The following SULF1 variants were observed in gnomAD, a reference collection of about 807,000 sequenced individuals.
The protein encoded by SULF1 is extracellular sulfatase Sulf-1.
A neutral mutation model predicts 110.5 loss-of-function variants in SULF1; 46 were observed. The observed-to-expected ratio is 0.42, with a 90% CI of 0.33 to 0.53. SULF1 has a LOEUF of 0.53. Among genes scored for constraint, SULF1 ranks in the 20% least tolerant of loss-of-function variants. The pLI, the probability that SULF1 is intolerant of heterozygous loss-of-function variation, is 0.12. For missense variants in SULF1, 941 were observed against 1,094.2 expected, an observed-to-expected ratio of 0.86 and a Z score of 1.98; for synonymous variants, 371 against 387.1, an observed-to-expected ratio of 0.96 and a Z score of 0.49.
At chr8:69,532,429 G>A (rs1813150723) in intron 3 of SULF1, among the ~76,000 whole-genome samples, 1 of 151,910 alleles carries the variant, frequency 6.6e-6, no homozygotes, top group Non-Finnish European at 1.5e-5. Flanking sequence ...AGATCCATTA[G>A]CATTGTGAGA....
chr8:69,603,563 C>T, intron 11 of SULF1, 37 bp from the exon 12 acceptor site: 1 of 1,574,278 alleles, frequency 6.4e-7, no homozygotes, highest in African/African-American at 1.3e-5. Flanking sequence ...GAAAAACGTC[C>T]AGATGCCAAA....
In SULF1 at chr8:69,520,386, C is replaced by A. The variant is rs143120805; in HGVS notation, c.-134+18418C>A. Among the ~76,000 whole-genome samples, 153 of 152,138 alleles carry A rather than the reference C, an allele frequency of 1.0e-3. 1 individual carries two copies. The highest frequency in any genetic ancestry group is 3.5e-3 in the African/African-American group (146 of 41,522). On this transcript the variant is annotated intron_variant, in intron 3 of 22. Coordinates refer to ENST00000402687, the MANE Select transcript of SULF1 (RefSeq NM_001128205.2). ...CTCTGTTGGTTCATTCTTCTAGTTA[C>A]CTTCAGCAAGTCACCTTTTCATCTT...
chr8:69,580,355 A>G (rs1468569307), intron 6 of SULF1, among the ~76,000 whole-genome samples: 1 of 152,242 alleles, frequency 6.6e-6, no homozygotes, highest in Admixed American at 6.5e-5. Context: ...CAACATTAAT[A>G]TAAAACCTGG....
intron 1 of SULF1, chr8:69,469,523 T>C (rs1394939208): frequency 6.6e-6 from 1 of 152,206 alleles, no homozygotes; most frequent in Non-Finnish European, 1.5e-5. Flanking sequence ...CCATGGTAGG[T>C]TATGAGTAGG....
chr8:69,626,325 A>C (rs1810022778), intron 15 of SULF1, among the ~76,000 whole-genome samples: 1 of 152,120 alleles, frequency 6.6e-6, no homozygotes, highest in Admixed American at 6.5e-5. Flanking sequence ...ACAAACCTTG[A>C]GCTAAACACA....
intron 3 of SULF1, among the ~76,000 whole-genome samples, chr8:69,531,654 G>T (rs1293341624): frequency 6.6e-6 from 1 of 152,226 alleles, no homozygotes; most frequent in Non-Finnish European, 1.5e-5. Flanking sequence ...TGAAAAGTCA[G>T]ATTTATTATG....
At chr8:69,624,265 C>A (rs1172657237) in intron 15 of SULF1, 68 bp downstream of exon 15, 16 of 1,509,280 alleles carry the variant, frequency 1.1e-5, no homozygotes, top group Non-Finnish European at 1.4e-5. Context: ...CATATTATCA[C>A]CATTTTGCAC....
chr8:69,527,415 A>G (rs1812775499), intron 3 of SULF1, among the ~76,000 whole-genome samples: 1 of 152,022 alleles, frequency 6.6e-6, no homozygotes, highest in Non-Finnish European at 1.5e-5. Context: ...AAGGTAAATG[A>G]CCAGTAGAGC....
At chr8:69,578,606 G>A (rs989019803) in intron 6 of SULF1, among the ~76,000 whole-genome samples, 3 of 148,454 alleles carry the variant, frequency 2.0e-5, no homozygotes, top group East Asian at 2.0e-4. Flanking sequence ...CTTAAGAATC[G>A]GGTCTGGGAT....
chr8:69,658,093 A>G (rs1812859964), intron 22 of SULF1, among the ~76,000 whole-genome samples: 1 of 152,250 alleles, frequency 6.6e-6, no homozygotes, highest in Non-Finnish European at 1.5e-5. Context: ...TCATTCACCC[A>G]GCAACCTTAT....
At chr8:69,481,739 A>G (rs993420950) in intron 1 of SULF1, among the ~76,000 whole-genome samples, 10 of 152,122 alleles carry the variant, frequency 6.6e-5, no homozygotes, top group Non-Finnish European at 1.5e-4. Context: ...TTCCTGAGTT[A>G]GTTTGCTAAG....
intron 3 of SULF1, among the ~76,000 whole-genome samples, chr8:69,544,265 G>GT (rs367601968): frequency 4.9e-4 from 72 of 147,088 alleles, no homozygotes; most frequent in African/African-American, 1.7e-3. Flanking sequence ...TTTTTTGTTT[G>GT]TTTTTTTGTT....
At chr8:69,629,293 C>T (rs1434835391) in intron 18 of SULF1, among the ~76,000 whole-genome samples, 1 of 152,154 alleles carries the variant, frequency 6.6e-6, no homozygotes, top group East Asian at 1.9e-4. Context: ...CTTAGCCTCC[C>T]AAAGTGCTGG....
intron 1 of SULF1, among the ~76,000 whole-genome samples, chr8:69,481,071 T>G (rs1260990072): frequency 6.6e-6 from 1 of 152,110 alleles, no homozygotes; most frequent in African/African-American, 2.4e-5. Context: ...AAAAGTTTTG[T>G]TTTTAAGACA....
At chr8:69,613,302 G>GTTTT (rs368550157) in intron 13 of SULF1, among the ~76,000 whole-genome samples, 2 of 111,152 alleles carry the variant, frequency 1.8e-5, no homozygotes, top group South Asian at 3.0e-4. Flanking sequence ...TACAGATTTG[G>GTTTT]TTTTTTTTTT....
chr8:69,499,846 C>T (rs1191604111), intron 2 of SULF1, among the ~76,000 whole-genome samples: 3 of 152,108 alleles, frequency 2.0e-5, no homozygotes, highest in Non-Finnish European at 4.4e-5. Flanking sequence ...AACACCTGGG[C>T]TCAAGTAATC....
chr8:69,544,230 A>C (rs1230742136), intron 3 of SULF1, among the ~76,000 whole-genome samples: 1 of 152,042 alleles, frequency 6.6e-6, no homozygotes, highest in Non-Finnish European at 1.5e-5. Context: ...GGTATAACTG[A>C]GACATTTATA....
chr8:69,513,475 A>G (rs750806281), intron 3 of SULF1, among the ~76,000 whole-genome samples: 13 of 152,256 alleles, frequency 8.5e-5, no homozygotes, highest in Non-Finnish European at 1.6e-4. Flanking sequence ...CCATACACCA[A>G]TGTCTCTTAA....
chr8:69,495,320 C>T (rs1249648200), intron 1 of SULF1, among the ~76,000 whole-genome samples: 1 of 151,976 alleles, frequency 6.6e-6, no homozygotes, highest in Non-Finnish European at 1.5e-5. Flanking sequence ...AGGTTCAAGG[C>T]TATGGTGCAC....
Sources: gnomAD v4.1 joint callset for allele counts (sites outside exome capture counted in the v4.1 genomes callset) on GRCh38, gnomAD v4.1.1 for gene constraint, MANE v1.5 for transcripts, NCBI Gene and HGNC (gene_info 2026-07-23, HGNC 2026-07-21) for gene names.